The following RRAS2 variants were observed in gnomAD, a reference collection of about 807,000 sequenced individuals.
RRAS2 encodes RAS related 2.
In RRAS2, 7 loss-of-function variants were observed where a neutral mutation model predicts 27.6. That is an observed-to-expected ratio of 0.25 (90% CI 0.14 to 0.48). The LOEUF (loss-of-function observed/expected upper bound fraction) is 0.48. RRAS2 is among the 20% of genes least tolerant of loss of function. The probability of loss-of-function intolerance (pLI) is 0.99; values close to 1 mark genes in which losing one functional copy is unlikely to be tolerated. For synonymous variants in RRAS2, 86 were observed against 90.9 expected, an observed-to-expected ratio of 0.95 and a Z score of 0.31; for missense variants, 178 against 256.2, an observed-to-expected ratio of 0.69 and a Z score of 2.08.
chr11:14,300,440 G>A (rs527647384), intron 1 of RRAS2, among the ~76,000 whole-genome samples: 6 of 152,080 alleles, frequency 3.9e-5, no homozygotes, highest in Non-Finnish European at 5.9e-5. Flanking sequence ...GGTGGCACGC[G>A]CCTATAGTCC....
chr11:14,283,162 C>G (rs1294472873), intron 4 of RRAS2, among the ~76,000 whole-genome samples: 2 of 152,116 alleles, frequency 1.3e-5, no homozygotes, highest in South Asian at 4.1e-4. Flanking sequence ...TTTCCTGCAT[C>G]TTACTGAGAT....
chr11:14,347,602 T>C (rs544594571), intron 1 of RRAS2, among the ~76,000 whole-genome samples: 112 of 152,228 alleles, frequency 7.4e-4, no homozygotes, highest in African/African-American at 2.5e-3. Context: ...GGAGGATCAC[T>C]TGAGGCCAGA....
intron 1 of RRAS2, among the ~76,000 whole-genome samples, chr11:14,325,343 G>A (rs1465885540): frequency 7.2e-6 from 1 of 139,468 alleles, no homozygotes. Context: ...ACAGAGTCTC[G>A]CTCTGTCGCC....
intron 1 of RRAS2, among the ~76,000 whole-genome samples, chr11:14,312,051 G>A (rs1690508702): frequency 6.6e-6 from 1 of 151,938 alleles, no homozygotes; most frequent in Non-Finnish European, 1.5e-5. Context: ...TTTTAGTAGA[G>A]ATGGGGTTTC....
chr11:14,279,469 C>G (rs1554943988), intron 5 of RRAS2, 45 bp from the exon 6 acceptor site: 2 of 1,323,996 alleles, frequency 1.5e-6, no homozygotes, highest in African/African-American at 1.4e-5. Flanking sequence ...TCTTGGTAAT[C>G]TACTATTACA....
upstream of RRAS2, among the ~76,000 whole-genome samples, chr11:14,361,856 G>A (rs1554956193): frequency 2.0e-5 from 3 of 152,154 alleles, no homozygotes; most frequent in South Asian, 4.2e-4. Context: ...GCTGATGAGT[G>A]GATAAACAAA....
intron 4 of RRAS2, among the ~76,000 whole-genome samples, chr11:14,293,673 A>G (rs1847472814): frequency 6.6e-6 from 1 of 152,162 alleles, no homozygotes; most frequent in Admixed American, 6.5e-5. Flanking sequence ...GCCTTCCGCC[A>G]TGACTGTGAA....
intron 1 of RRAS2, among the ~76,000 whole-genome samples, chr11:14,299,500 T>C (rs1554947103): frequency 6.6e-6 from 1 of 152,210 alleles, no homozygotes; most frequent in African/African-American, 2.4e-5. Context: ...CAGGATTCCA[T>C]AGTTTCTTTA....
upstream of RRAS2, among the ~76,000 whole-genome samples, chr11:14,361,545 G>A (rs1202484309): frequency 2.0e-5 from 3 of 152,142 alleles, no homozygotes; most frequent in Admixed American, 6.5e-5. Flanking sequence ...AAAGTACATC[G>A]AAATACTGCT....
At chr11:14,350,263 TG>T (rs1314665754) in intron 1 of RRAS2, among the ~76,000 whole-genome samples, 9 of 152,050 alleles carry the variant, frequency 5.9e-5, no homozygotes, top group African/African-American at 2.2e-4. Context: ...AAGTTGGAGG[TG>T]GGGCTTAATG....
At position 14,339,172 on chromosome 11, in the gene RRAS2, G is replaced by A. The variant is rs548553640; in HGVS notation, c.108+19591C>T. The stretch of plus-strand genomic sequence containing the variant: ...AAATATCAGCTGGCCCGGGCTCAGT[G>A]GCCCACACCTGTAATCCCAGTACTT... On this transcript the variant is annotated intron_variant, in intron 1 of 5. Transcript: ENST00000256196. Among the ~76,000 whole-genome samples, 7 of 151,098 alleles carry A rather than the reference G, an allele frequency of 4.6e-5. No individual in the cohort carries two copies. The East Asian group carries it at 1.4e-3, about 29-fold the overall frequency.
intron 1 of RRAS2, chr11:14,364,362 G>A (rs1554956475): frequency 6.5e-7 from 1 of 1,535,590 alleles, no homozygotes; most frequent in African/African-American, 1.4e-5. Context: ...AGAAGGCCAA[G>A]CCCCCAGATC....
At chr11:14,298,910 C>G in intron 1 of RRAS2, among the ~76,000 whole-genome samples, 1 of 152,158 alleles carries the variant, frequency 6.6e-6, no homozygotes, top group Non-Finnish European at 1.5e-5. Flanking sequence ...TTTTGTTAAA[C>G]TTGGGTACCA....
intron 1 of RRAS2, among the ~76,000 whole-genome samples, chr11:14,320,508 T>G (rs1270908788): frequency 1.3e-5 from 2 of 152,220 alleles, no homozygotes; most frequent in African/African-American, 2.4e-5. Context: ...AATTTCAATC[T>G]ATAAACAAAA....
At chr11:14,352,552 C>CTAT (rs1848977944) in intron 1 of RRAS2, among the ~76,000 whole-genome samples, 2 of 152,182 alleles carry the variant, frequency 1.3e-5, no homozygotes, top group African/African-American at 4.8e-5. Context: ...AAATTCATGA[C>CTAT]TATTAACTCC....
intron 1 of RRAS2, among the ~76,000 whole-genome samples, chr11:14,326,564 A>G (rs1363731328): frequency 1.3e-5 from 2 of 152,226 alleles, no homozygotes; most frequent in Non-Finnish European, 2.9e-5. Flanking sequence ...TAAATCAGTA[A>G]AAGAATTTTA....
chr11:14,306,224 C>T (rs1370414713), intron 1 of RRAS2, among the ~76,000 whole-genome samples: 3 of 151,820 alleles, frequency 2.0e-5, no homozygotes, highest in African/African-American at 7.3e-5. Flanking sequence ...CTACTCAAAT[C>T]GTTGCCCCTT....
intron 5 of RRAS2, 26 bp downstream of exon 5, chr11:14,281,576 A>T (rs782055466): frequency 2.0e-6 from 3 of 1,518,434 alleles, no homozygotes; most frequent in Non-Finnish European, 1.8e-6. Context: ...TTATTAAAAC[A>T]CACATCTAGA....
intron 1 of RRAS2, among the ~76,000 whole-genome samples, chr11:14,318,570 A>G (rs531622030): frequency 3.3e-5 from 5 of 152,150 alleles, no homozygotes; most frequent in African/African-American, 1.2e-4. Context: ...TATTCAATTA[A>G]CCATCCTGAT....
Sources: allele counts gnomAD v4.1 joint callset (sites outside exome capture counted in the v4.1 genomes callset), GRCh38; gene constraint gnomAD v4.1.1; transcripts MANE v1.5; gene names NCBI Gene and HGNC (gene_info 2026-07-23, HGNC 2026-07-21).